WDR17: variants seen among roughly 807,000 people sequenced by gnomAD.
WDR17 encodes the protein WD repeat domain 17.
A neutral mutation model predicts 161.7 loss-of-function variants in WDR17; 143 were observed. The ratio of observed to expected loss-of-function variants is 0.88; its 90% CI spans 0.77 to 1.02. The LOEUF (loss-of-function observed/expected upper bound fraction) is 1.02, where lower values mean the gene tolerates loss of function less well. Among genes scored for constraint, WDR17 ranks in the 50% least tolerant of loss-of-function variants. The pLI, the probability that WDR17 is intolerant of heterozygous loss-of-function variation, is 0.00. For synonymous variants in WDR17, 517 were observed against 515.6 expected (o/e 1.00, Z -0.04); for missense variants, 1,469 against 1,520.9 (o/e 0.97, Z 0.57).
At chr4:176,117,961 T>C (rs1281412613) in intron 3 of WDR17, among the ~76,000 whole-genome samples, 2 of 152,176 alleles carry the variant, frequency 1.3e-5, no homozygotes, top group East Asian at 3.8e-4. Context: ...ACTTTTTTTT[T>C]CAACTTCCAA....
In WDR17 at chr4:176,109,913, A is replaced by G. The variant is rs191616051; in HGVS notation, c.-6-1662A>G. Among the ~76,000 whole-genome samples the G allele has an allele frequency of 3.9e-3, 598 of 152,298 alleles. 5 individuals carry two copies. The highest frequency in any genetic ancestry group is 0.014 in the African/African-American group (568 of 41,576). ...AGCATAAACTAAATATTGACTACCC[A>G]ATATATTAGTCACGTAAAACCAAAT... On this transcript the variant is annotated intron_variant, in intron 1 of 28. Coordinates refer to ENST00000508596, the MANE Select transcript of WDR17 (RefSeq NM_181265.4).
At chr4:176,125,676 G>A (rs1035023408) in intron 5 of WDR17, among the ~76,000 whole-genome samples, 11 of 152,300 alleles carry the variant, frequency 7.2e-5, no homozygotes, top group Middle Eastern at 3.4e-3. Context: ...GGCATAGTAG[G>A]ATGACAGTGA....
At chr4:176,143,752 T>G (rs1274579393) in intron 11 of WDR17, among the ~76,000 whole-genome samples, 2 of 152,140 alleles carry the variant, frequency 1.3e-5, no homozygotes, top group Non-Finnish European at 2.9e-5. Flanking sequence ...CAATAACATT[T>G]GGGTTTTTTT....
intron 1 of WDR17, among the ~76,000 whole-genome samples, chr4:176,090,393 A>G (rs906483145): frequency 2.6e-5 from 4 of 152,014 alleles, no homozygotes; most frequent in African/African-American, 7.3e-5. Flanking sequence ...ACCAGATGCA[A>G]ATTCTGGTGT....
chr4:176,173,401 A>T, intron 25 of WDR17, 32 bp downstream of exon 25: 1 of 1,423,618 alleles, frequency 7.0e-7, no homozygotes, highest in Non-Finnish European at 9.8e-7. Context: ...TATATAAGTG[A>T]ATCTATTTGA....
intron 18 of WDR17, 62 bp from the exon 19 acceptor site, chr4:176,159,932 T>C (rs1561198453): frequency 1.4e-6 from 2 of 1,424,792 alleles, no homozygotes; most frequent in Non-Finnish European, 1.9e-6. Flanking sequence ...TCAGAAAATC[T>C]CAATTCACCT....
At chr4:176,134,909 T>C (rs983212243) in intron 7 of WDR17, among the ~76,000 whole-genome samples, 199 bp from the exon 8 acceptor site, 1 of 151,700 alleles carries the variant, frequency 6.6e-6, no homozygotes, top group African/African-American at 2.4e-5. Context: ...TCTAGGTCTG[T>C]ACAAAATAAT....
chr4:176,141,683 T>C (rs1035978449), intron 10 of WDR17, among the ~76,000 whole-genome samples: 1 of 152,174 alleles, frequency 6.6e-6, no homozygotes, highest in Admixed American at 6.5e-5. Flanking sequence ...TCCACCCGCC[T>C]CGACCTCCCC....
chr4:176,096,624 T>A, intron 1 of WDR17: 1 of 1,523,394 alleles, frequency 6.6e-7, no homozygotes, highest in South Asian at 1.2e-5. Flanking sequence ...TTCCTGCGAT[T>A]TTTTTTCTGC....
intron 3 of WDR17, among the ~76,000 whole-genome samples, chr4:176,116,408 A>G (rs1257717414): frequency 6.6e-6 from 1 of 151,852 alleles, no homozygotes; most frequent in Non-Finnish European, 1.5e-5. Flanking sequence ...CTTTATTTTT[A>G]ATTTGGTCAA....
At chr4:176,105,449 G>A (rs1182911603) in intron 1 of WDR17, among the ~76,000 whole-genome samples, 2 of 152,004 alleles carry the variant, frequency 1.3e-5, no homozygotes, top group Non-Finnish European at 2.9e-5. Flanking sequence ...TGTTTTCTAG[G>A]ATAGACAATA....
intron 22 of WDR17, among the ~76,000 whole-genome samples, chr4:176,164,958 C>T (rs1240109425): frequency 2.6e-5 from 4 of 151,430 alleles, no homozygotes; most frequent in Non-Finnish European, 5.9e-5. Flanking sequence ...ATTATTTATT[C>T]ATGAAGGTGG....
intron 1 of WDR17, among the ~76,000 whole-genome samples, chr4:176,080,508 T>TA (rs1277231437): frequency 6.6e-6 from 1 of 152,070 alleles, no homozygotes; most frequent in African/African-American, 2.4e-5. Context: ...AACACTTTTC[T>TA]AAAAGGTAAG....
At chr4:176,167,665 A>AC in intron 22 of WDR17, among the ~76,000 whole-genome samples, 2 of 134,148 alleles carry the variant, frequency 1.5e-5, no homozygotes, top group Non-Finnish European at 3.2e-5. Context: ...AAAAAAAAAA[A>AC]AAAAAAACAA....
intron 11 of WDR17, among the ~76,000 whole-genome samples, chr4:176,145,263 C>T (rs915503495): frequency 6.6e-6 from 1 of 152,116 alleles, no homozygotes; most frequent in African/African-American, 2.4e-5. Context: ...CTCATAATTC[C>T]TTTCCTAGCA....
At chr4:176,087,205 A>C (rs1224140578) in intron 1 of WDR17, among the ~76,000 whole-genome samples, 1 of 151,828 alleles carries the variant, frequency 6.6e-6, no homozygotes, top group East Asian at 1.9e-4. Flanking sequence ...GAAATCCCTT[A>C]TATTTTTTTT....
chr4:176,076,408 G>GT (rs564678477), intron 1 of WDR17, among the ~76,000 whole-genome samples: 5,622 of 109,272 alleles, frequency 0.051, 442 homozygotes, highest in African/African-American at 0.14. Context: ...GTCGTTGTTG[G>GT]TTTTTTTTTT....
chr4:176,169,473 A>G (rs964103176), intron 23 of WDR17, among the ~76,000 whole-genome samples: 6 of 151,838 alleles, frequency 4.0e-5, no homozygotes, highest in Non-Finnish European at 5.9e-5. Context: ...AAAACTATGC[A>G]TATGCCATAT....
chr4:176,150,100 T>C lies in WDR17; in HGVS notation c.2105T>C (p.Ile702Thr), dbSNP rs769882094. ...PLLCGKVSRD[I>T]RQEIEKLTAN... ...CTGTGTGGTAAAGTGTCAAGAGATA[T>C]TAGACAGGAAATAGAAAAACTAACT... is the stretch of plus-strand genomic sequence containing the variant. Residue 702 changes from isoleucine (I) to threonine (T), a missense_variant, in exon 15 of 29, where the codon ATT becomes ACT. Coordinates refer to ENST00000508596, the MANE Select transcript of WDR17 (RefSeq NM_181265.4). 1 of 1,614,010 alleles carries C rather than the reference T, an allele frequency of 6.2e-7. No homozygotes were observed. The highest frequency in any genetic ancestry group is 8.5e-7 in the Non-Finnish European group (1 of 1,179,972).
Sources: allele counts gnomAD v4.1 joint callset (sites outside exome capture counted in the v4.1 genomes callset), GRCh38; gene constraint gnomAD v4.1.1; transcripts MANE v1.5; gene names NCBI Gene and HGNC (gene_info 2026-07-23, HGNC 2026-07-21).